The following CLMN variants were observed in gnomAD, a reference collection of about 807,000 sequenced individuals.
CLMN encodes calmin.
CLMN carries 57 observed loss-of-function variants against 92.7 expected under a neutral mutation model. The observed-to-expected ratio is 0.61, with a 90% CI of 0.50 to 0.77. The LOEUF (loss-of-function observed/expected upper bound fraction) is 0.77, where lower values mean the gene tolerates loss of function less well. Among genes scored for constraint, CLMN ranks in the 30% least tolerant of loss-of-function variants. The pLI is 0.00. For synonymous variants in CLMN, 466 were observed against 470.6 expected (o/e 0.99, Z 0.13); for missense variants, 1,158 against 1,237.5 (o/e 0.94, Z 0.96).
intron 8 of CLMN, among the ~76,000 whole-genome samples, chr14:95,206,548 G>A (rs914308915): frequency 6.6e-6 from 1 of 152,180 alleles, no homozygotes; most frequent in African/African-American, 2.4e-5. Flanking sequence ...ACATGGTCAG[G>A]GCCCAACAAA....
At chr14:95,267,768 C>A (rs1460667678) in intron 1 of CLMN, among the ~76,000 whole-genome samples, 1 of 152,194 alleles carries the variant, frequency 6.6e-6, no homozygotes, top group African/African-American at 2.4e-5. Flanking sequence ...ATGGAATCAA[C>A]CTACGTGCCC....
chr14:95,319,612 G>C (rs1901955006), intron 1 of CLMN, 99 bp downstream of exon 1: 10 of 969,944 alleles, frequency 1.0e-5, no homozygotes, highest in Admixed American at 2.5e-5. Context: ...ACGAGCGGCC[G>C]GCGAGCGGGG....
At chr14:95,302,689 A>T (rs916663965) in intron 1 of CLMN, among the ~76,000 whole-genome samples, 1 of 152,218 alleles carries the variant, frequency 6.6e-6, no homozygotes, top group African/African-American at 2.4e-5. Context: ...TTTAACACTC[A>T]TGACTTCACT....
At chr14:95,242,999 G>A (rs1898315469) in intron 1 of CLMN, among the ~76,000 whole-genome samples, 1 of 152,164 alleles carries the variant, frequency 6.6e-6, no homozygotes, top group South Asian at 2.1e-4. Context: ...GACTTTGAAG[G>A]CCCTATGGTC....
intron 2 of CLMN, among the ~76,000 whole-genome samples, chr14:95,228,482 G>A (rs1240158448): frequency 6.6e-6 from 1 of 152,216 alleles, no homozygotes; most frequent in Non-Finnish European, 1.5e-5. Context: ...AGGAGTGGAG[G>A]TGTGGGTGGC....
intron 1 of CLMN, among the ~76,000 whole-genome samples, chr14:95,284,185 T>C (rs917876147): frequency 3.3e-5 from 5 of 152,180 alleles, no homozygotes; most frequent in Admixed American, 6.5e-5. Flanking sequence ...AGCTTCCATG[T>C]GGTGTTGAGT....
rs369685023 is a variant in CLMN at position 95,202,967 on chromosome 14, G to T, written c.2382C>A (p.Ser794Arg). The T allele has an allele frequency of 6.8e-6, 11 of 1,613,942 alleles. No homozygotes were observed. Among genetic ancestry groups the T allele is most frequent in the Non-Finnish European group, 9.3e-6 (11 of 1,179,994 alleles). Reference sequence around the variant, plus strand: ...CCCTGCTGAGATACAGCACCTGGTCGCTGGCACTGGGGAGGCTCTCTCCTG... The same window carrying T: ...CCCTGCTGAGATACAGCACCTGGTCTCTGGCACTGGGGAGGCTCTCTCCTG... ...SVPGESLPSA[S>R]DQVLYLSRGG... is the part of the protein sequence containing the mutation. Residue 794 changes from serine to arginine, a missense_variant, in exon 9 of 13, where the codon AGC becomes AGA. Transcript: ENST00000298912.
At chr14:95,306,533 CA>C (rs372739963) in intron 1 of CLMN, among the ~76,000 whole-genome samples, 29 of 144,674 alleles carry the variant, frequency 2.0e-4, no homozygotes, top group Admixed American at 8.9e-4. Context: ...CCATCTCAAA[CA>C]AAAAAAAAAG....
At chr14:95,192,366 T>C (rs1415424382) in intron 12 of CLMN, 1 of 152,214 alleles carries the variant, frequency 6.6e-6, no homozygotes, top group Admixed American at 6.5e-5. Context: ...TTATAGGTGG[T>C]AGTGTTAAAA....
At chr14:95,232,395 G>A (rs1230268676) in intron 1 of CLMN, among the ~76,000 whole-genome samples, 2 of 152,228 alleles carry the variant, frequency 1.3e-5, no homozygotes, top group African/African-American at 4.8e-5. Flanking sequence ...CTGCAGGAGA[G>A]CAAAGCTTAT....
chr14:95,190,833 T>C lies in CLMN; in HGVS notation c.*731A>G, dbSNP rs544187168. 6.6e-6 allele frequency: 1 copy of C among 152,308 alleles called. No homozygotes were observed. The highest frequency in any genetic ancestry group is 1.9e-4 in the East Asian group (1 of 5,172). 9.4% of individuals were successfully genotyped at this position (152,308 alleles called of 1,614,324 possible). On this transcript the variant is annotated 3_prime_UTR_variant, in exon 13 of 13. Transcript: ENST00000298912. ...CCCTGGCGATCTGGTTTGAAAATCA[T>C]GGTTCTATCTCAATCCAATCAATGG...
intron 1 of CLMN, among the ~76,000 whole-genome samples, chr14:95,303,997 T>C (rs1901169635): frequency 2.0e-5 from 3 of 152,130 alleles, no homozygotes; most frequent in South Asian, 4.2e-4. Flanking sequence ...CAATTCTAGG[T>C]GGTAGCAAGA....
intron 1 of CLMN, among the ~76,000 whole-genome samples, chr14:95,285,475 G>A (rs1900305662): frequency 1.3e-5 from 2 of 152,190 alleles, no homozygotes; most frequent in Admixed American, 1.3e-4. Context: ...CAGCAAGGTA[G>A]GGCCTGCATG....
intron 1 of CLMN, among the ~76,000 whole-genome samples, chr14:95,306,752 T>C (rs1209415089): frequency 1.3e-5 from 2 of 152,190 alleles, no homozygotes; most frequent in Non-Finnish European, 2.9e-5. Context: ...TGAAGAGCAC[T>C]GACCTACTAG....
chr14:95,215,045 GT>G (rs1404649900), intron 5 of CLMN, among the ~76,000 whole-genome samples: 1 of 152,160 alleles, frequency 6.6e-6, no homozygotes, highest in Non-Finnish European at 1.5e-5. Context: ...CATGGCACGT[GT>G]ATACCTATGT....
At chr14:95,279,381 T>C (rs1163362196) in intron 1 of CLMN, among the ~76,000 whole-genome samples, 1 of 152,228 alleles carries the variant, frequency 6.6e-6, no homozygotes, top group African/African-American at 2.4e-5. Flanking sequence ...AGATTCTAGA[T>C]AAGGCCTGGG....
In CLMN at chr14:95,183,953, AG is replaced by A. The variant is rs1229354780; in HGVS notation, c.*7610del. On this transcript the variant is annotated 3_prime_UTR_variant, in exon 13 of 13. Transcript: ENST00000298912. ...ATGGCTTAAACTTCCTCTTGCAAAA[AG>A]GCCTGAGTTAGATTTGAGACAGGGT... The A allele has an allele frequency of 6.6e-6, 1 of 152,192 alleles. No homozygotes were observed. The highest frequency in any genetic ancestry group is 1.5e-5 in the Non-Finnish European group (1 of 68,034). 9.4% of individuals were successfully genotyped at this position (152,192 alleles called of 1,614,324 possible).
intron 1 of CLMN, among the ~76,000 whole-genome samples, chr14:95,258,012 T>A (rs936974101): frequency 6.6e-6 from 1 of 150,874 alleles, no homozygotes; most frequent in Non-Finnish European, 1.5e-5. Flanking sequence ...TGTGTACATG[T>A]GGGGGCTGTG....
intron 1 of CLMN, among the ~76,000 whole-genome samples, chr14:95,237,198 G>C (rs1323832084): frequency 2.0e-5 from 3 of 152,264 alleles, no homozygotes; most frequent in Non-Finnish European, 2.9e-5. Flanking sequence ...GTAGTAAACA[G>C]ACTAATCTGT....
Sources: allele counts gnomAD v4.1 joint callset (sites outside exome capture counted in the v4.1 genomes callset), GRCh38; gene constraint gnomAD v4.1.1; transcripts MANE v1.5; gene names NCBI Gene and HGNC (gene_info 2026-07-23, HGNC 2026-07-21).